The following CDC42BPG variants were observed in gnomAD, a reference collection of about 807,000 sequenced individuals.
CDC42BPG encodes serine/threonine-protein kinase MRCK gamma.
Under a neutral mutation model 192.2 loss-of-function variants are expected in CDC42BPG, and 157 were observed. The observed-to-expected ratio is 0.82, with a 90% CI of 0.72 to 0.93. CDC42BPG has a LOEUF of 0.93. CDC42BPG is among the 40% of genes least tolerant of loss of function. The probability of loss-of-function intolerance (pLI) is 0.00; values close to 1 mark genes in which losing one functional copy is unlikely to be tolerated. For missense variants in CDC42BPG, 1,992 were observed against 2,122.1 expected (o/e 0.94, Z 1.20); for synonymous variants, 981 against 918.5 (o/e 1.07, Z -1.23).
intron 30 of CDC42BPG, among the ~76,000 whole-genome samples, chr11:64,828,713 A>G (rs1368140690): frequency 6.6e-6 from 1 of 151,824 alleles, no homozygotes; most frequent in East Asian, 1.9e-4. Context: ...CAGGAGTTTG[A>G]GACTCCCAGC....
At position 64,827,631 on chromosome 11, in the gene CDC42BPG, G is replaced by T; in HGVS notation, c.4066-20C>A. 6.2e-7 allele frequency: 1 copy of T among 1,606,774 alleles called. No homozygotes were observed. The highest frequency in any genetic ancestry group is 8.5e-7 in the Non-Finnish European group (1 of 1,174,904). ...CCGCACCTGAGGCAGCAGGCACAGC[G>T]GTCAGGCCACGCCTCCACCCCCGGC... On this transcript the variant is annotated intron_variant, in intron 31 of 36. Coordinates refer to ENST00000342711, the MANE Select transcript of CDC42BPG (RefSeq NM_017525.3).
intron 1 of CDC42BPG, among the ~76,000 whole-genome samples, chr11:64,843,732 C>G (rs986203473): frequency 2.0e-5 from 3 of 152,218 alleles, no homozygotes; most frequent in Admixed American, 6.5e-5. Context: ...AGGTACAGAC[C>G]CATCTCCAGC....
intron 1 of CDC42BPG, 22 bp downstream of exon 1, chr11:64,844,388 T>C: frequency 7.2e-7 from 1 of 1,381,012 alleles, no homozygotes; most frequent in Non-Finnish European, 9.3e-7. Flanking sequence ...CCGCCCCCGC[T>C]CCGTGCCGCC....
chr11:64,840,984 A>T (rs886697144), intron 3 of CDC42BPG, among the ~76,000 whole-genome samples: 1 of 152,026 alleles, frequency 6.6e-6, no homozygotes, highest in African/African-American at 2.4e-5. Context: ...CTCCATCTCT[A>T]CTAAAAATAC....
chr11:64,827,229 A>G (rs1181711007), intron 33 of CDC42BPG, 49 bp downstream of exon 33: 2 of 1,613,328 alleles, frequency 1.2e-6, no homozygotes. Flanking sequence ...CCCGTCCACA[A>G]GCGGAGGCGG....
At chr11:64,837,076 T>C (rs1206815464) in intron 9 of CDC42BPG, 57 bp from the exon 10 acceptor site, 1 of 1,348,256 alleles carries the variant, frequency 7.4e-7, no homozygotes, top group Non-Finnish European at 1.1e-6. Context: ...CAGAGTCTCC[T>C]CCATCCTCCT....
chr11:64,827,629 G>T lies in CDC42BPG; in HGVS notation c.4066-18C>A. On this transcript the variant is annotated intron_variant, in intron 31 of 36. Coordinates refer to ENST00000342711, the MANE Select transcript of CDC42BPG (RefSeq NM_017525.3). ...GGCCGCACCTGAGGCAGCAGGCACA[G>T]CGGTCAGGCCACGCCTCCACCCCCG... is the stretch of plus-strand genomic sequence containing the variant. The T allele has an allele frequency of 6.2e-7, 1 of 1,607,012 alleles. No homozygotes were observed. The highest frequency in any genetic ancestry group is 8.5e-7 in the Non-Finnish European group (1 of 1,174,966).
intron 5 of CDC42BPG, 71 bp downstream of exon 5, chr11:64,840,049 G>A: frequency 2.7e-6 from 4 of 1,456,060 alleles, no homozygotes; most frequent in Non-Finnish European, 2.8e-6. Flanking sequence ...GACATCAGCT[G>A]TCCCCAGCAC....
At chr11:64,833,115 C>A in intron 24 of CDC42BPG, 116 bp downstream of exon 24, 1 of 1,284,534 alleles carries the variant, frequency 7.8e-7, no homozygotes, top group Non-Finnish European at 1.1e-6. Context: ...CAAAGCTGAG[C>A]AGGAGGAAAT....
chr11:64,826,490 G>T lies in CDC42BPG; in HGVS notation c.4579C>A (p.Pro1527Thr). 6.2e-7 allele frequency: 1 copy of T among 1,601,684 alleles called. No individual in the cohort carries two copies. The change falls in exon 36 of 37, where the codon CCT (proline) becomes ACT (threonine). Residue 1527 changes from proline to threonine, a missense_variant. Coordinates refer to ENST00000342711, the MANE Select transcript of CDC42BPG (RefSeq NM_017525.3). ...SVSCPQGSLS[P>T]ATSLMQVSER... Reference sequence around the variant, plus strand: ...CTCACCTGCATTAGGGAGGTTGCAGGGCTCAGCGATCCCTGGGGGCAGGAC... The same window carrying T: ...CTCACCTGCATTAGGGAGGTTGCAGTGCTCAGCGATCCCTGGGGGCAGGAC...
At position 64,827,759 on chromosome 11, in the gene CDC42BPG, A is replaced by G; in HGVS notation, c.3992T>C (p.Val1331Ala). 6.2e-7 allele frequency: 1 copy of G among 1,612,320 alleles called. No homozygotes were observed. Among genetic ancestry groups the G allele is most frequent in the Admixed American group, 1.7e-5 (1 of 59,838 alleles). The change falls in exon 31 of 37, where the codon GTG (valine) becomes GCG (alanine). Residue 1331 changes from valine (V) to alanine (A), a missense_variant. Coordinates refer to ENST00000342711, the MANE Select transcript of CDC42BPG (RefSeq NM_017525.3). ...GWGYAAPYLT[V>A]FSENSIDVFD... ...CACATCGATGGAGTTCTCGCTGAAC[A>G]CTGTCAGGTAGGGGGCCGCATACCC...
rs1324960155 is a variant in CDC42BPG, at chr11:64,836,970, G to C, written c.1255C>G (p.Leu419Val). 1.2e-6 allele frequency: 2 copies of C among 1,613,378 alleles called. No individual in the cohort carries two copies. The highest frequency in any genetic ancestry group is 1.3e-5 in the African/African-American group (1 of 74,924). ...ACCTTCTCCTGCTCCAGACACTGGAGCTTCCGCTCCAGGGCAGCCCAAGCC... is the reference window on the plus strand; with the variant it reads ...ACCTTCTCCTGCTCCAGACACTGGACCTTCCGCTCCAGGGCAGCCCAAGCC... Reference protein sequence around the residue: ...SEAWAALERKLQCLEQEKVEL... With the variant: ...SEAWAALERKVQCLEQEKVEL... The change falls in exon 10 of 37, where the codon CTC becomes GTC. Residue 419 changes from leucine to valine, a missense_variant. By Grantham distance (32) the Leu-to-Val change is conservative (BLOSUM62 1). Coordinates refer to ENST00000342711, the MANE Select transcript of CDC42BPG (RefSeq NM_017525.3).
chr11:64,836,709 G>GT (rs1943015359), intron 11 of CDC42BPG, 30 bp downstream of exon 11: 32 of 695,474 alleles, frequency 4.6e-5, no homozygotes, highest in Middle Eastern at 4.7e-4. Context: ...TCAGCCCTGG[G>GT]GGGGGGGGGG....
In CDC42BPG at chr11:64,836,474, G is replaced by T; in HGVS notation, c.1441C>A (p.Pro481Thr). 1 of 1,613,586 alleles carries T rather than the reference G, an allele frequency of 6.2e-7. No homozygotes were observed. The highest frequency in any genetic ancestry group is 8.5e-7 in the Non-Finnish European group (1 of 1,179,990). The part of the protein sequence containing the change: ...SQTDGPPAGS[P>T]GQDSDLRQEL... ...TGCCGTAGGTCACTGTCCTGACCTG[G>T]GCTACCAGCTGGGGGCCCATCCGTC... Residue 481 changes from proline (P) to threonine (T), a missense_variant, in exon 12 of 37, where the codon CCA becomes ACA. Pro to Thr is a conservative substitution (Grantham distance 38). This residue lies in a region of CDC42BPG where 1,656 missense variants were observed against 1,844.3 expected (regional missense o/e 0.90). Transcript: ENST00000342711.
intron 1 of CDC42BPG, among the ~76,000 whole-genome samples, chr11:64,842,392 C>T (rs1943319849): frequency 1.3e-5 from 2 of 152,142 alleles, no homozygotes; most frequent in Admixed American, 6.5e-5. Context: ...GCCTGGGTCC[C>T]GGGACCCTGT....
intron 30 of CDC42BPG, 37 bp downstream of exon 30, chr11:64,829,434 T>C: frequency 6.3e-7 from 1 of 1,596,530 alleles, no homozygotes; most frequent in South Asian, 1.1e-5. Context: ...CCACTGAAGG[T>C]GCCTGGCCCC....
chr11:64,841,910 G>A lies in CDC42BPG; in HGVS notation c.161-6C>T, dbSNP rs1943297895. 1 of 1,592,224 alleles carries A rather than the reference G, an allele frequency of 6.3e-7. No individual in the cohort carries two copies. The highest frequency in any genetic ancestry group is 8.6e-7 in the Non-Finnish European group (1 of 1,168,796). On this transcript the variant is annotated splice_region_variant and splice_polypyrimidine_tract_variant and intron_variant, in intron 1 of 36. Coordinates refer to ENST00000342711, the MANE Select transcript of CDC42BPG (RefSeq NM_017525.3). ...CTTTGATACGAAGGGGCTGGCTGAG[G>A]GGACACAGGGCGGGACTCAGAGTGC...
chr11:64,839,598 AGG>A (rs1472685907), intron 5 of CDC42BPG, 27 bp from the exon 6 acceptor site: 1 of 1,596,636 alleles, frequency 6.3e-7, no homozygotes, highest in Non-Finnish European at 8.5e-7. Flanking sequence ...AGGGAGAGTG[AGG>A]CGTTTGACCT....
At position 64,838,695 on chromosome 11, in the gene CDC42BPG, T is replaced by G. The variant is rs55688429; in HGVS notation, c.1084A>C (p.Thr362Pro). Residue 362 changes from threonine (T) to proline (P), a missense_variant, in exon 8 of 37, where the codon ACC (threonine) becomes CCC (proline). Around this residue, in one of 2 missense-constraint regions of CDC42BPG, gnomAD observed 1,656 missense variants for 1,844.3 expected, o/e 0.90. Coordinates refer to ENST00000342711, the MANE Select transcript of CDC42BPG (RefSeq NM_017525.3). ...TCGTCATCCACATCAAAGTTGGAGG[T>G]GTCCATGGGCCCCCGCAGCTCAGGA... ...YIPELRGPMD[T>P]SNFDVDDDTL... 8.0e-4 allele frequency: 1,296 copies of G among 1,613,124 alleles called. 1 individual carries two copies. Among genetic ancestry groups the G allele is most frequent in the Non-Finnish European group, 1.0e-3 (1,194 of 1,179,988 alleles).
Sources: allele counts gnomAD v4.1 joint callset (sites outside exome capture counted in the v4.1 genomes callset), GRCh38; gene constraint gnomAD v4.1.1; regional missense constraint gnomAD v4.1.1; transcripts MANE v1.5; gene names NCBI Gene and HGNC (gene_info 2026-07-23, HGNC 2026-07-21).